Variants in RXFP1 observed in about 807,000 individuals in gnomAD.
RXFP1 encodes the protein relaxin family peptide receptor 1.
A neutral mutation model predicts 89.8 loss-of-function variants in RXFP1; 73 were observed. The observed-to-expected ratio is 0.81, with a 90% CI of 0.67 to 0.99. The LOEUF (loss-of-function observed/expected upper bound fraction) is 0.99. Among genes scored for constraint, RXFP1 ranks in the 50% least tolerant of loss-of-function variants. RXFP1 has a pLI of 0.00. For missense variants in RXFP1, 793 were observed against 895.5 expected (o/e 0.89, Z 1.46); for synonymous variants, 277 against 305.5 (o/e 0.91, Z 0.97).
intron 11 of RXFP1, among the ~76,000 whole-genome samples, chr4:158,632,791 T>C (rs575799986): frequency 1.3e-5 from 2 of 152,116 alleles, no homozygotes; most frequent in African/African-American, 4.8e-5. Context: ...TCGCAAACCA[T>C]GCATCTATTC....
chr4:158,639,582 G>C (rs2150234476), intron 14 of RXFP1, among the ~76,000 whole-genome samples: 1 of 152,264 alleles, frequency 6.6e-6, no homozygotes, highest in Admixed American at 6.5e-5. Flanking sequence ...TTAGAAAACA[G>C]ACTCTGGTCC....
intron 14 of RXFP1, among the ~76,000 whole-genome samples, chr4:158,639,622 C>A (rs1291113865): frequency 6.6e-6 from 1 of 152,142 alleles, no homozygotes; most frequent in South Asian, 2.1e-4. Context: ...GTAATCCCAG[C>A]ACTTTGGGCG....
chr4:158,563,433 T>G (rs906621762), intron 1 of RXFP1, among the ~76,000 whole-genome samples: 1 of 151,458 alleles, frequency 6.6e-6, no homozygotes, highest in Non-Finnish European at 1.5e-5. Flanking sequence ...CTCAAAGACT[T>G]TAATTCATTT....
At chr4:158,575,296 CAG>C (rs1403637479) in intron 2 of RXFP1, among the ~76,000 whole-genome samples, 5 of 152,142 alleles carry the variant, frequency 3.3e-5, no homozygotes, top group African/African-American at 1.2e-4. Flanking sequence ...GTTTAGAAAT[CAG>C]AGTTAAACTC....
intron 11 of RXFP1, among the ~76,000 whole-genome samples, chr4:158,632,193 C>T (rs913368632): frequency 1.1e-4 from 16 of 152,042 alleles, no homozygotes; most frequent in Non-Finnish European, 2.2e-4. Flanking sequence ...GACAATTCAC[C>T]GATAAATATG....
At chr4:158,617,289 T>G (rs1764774174) in intron 9 of RXFP1, 84 bp downstream of exon 9, 3 of 1,044,922 alleles carry the variant, frequency 2.9e-6, no homozygotes, top group Non-Finnish European at 4.3e-6. Context: ...ATTGTTTTAG[T>G]TTTTCTTAAA....
intron 1 of RXFP1, among the ~76,000 whole-genome samples, chr4:158,564,516 G>C (rs951985316): frequency 6.6e-6 from 1 of 152,166 alleles, no homozygotes; most frequent in Non-Finnish European, 1.5e-5. Context: ...CTCCAAGCCA[G>C]AGAGACTCCA....
chr4:158,528,363 A>C (rs1185157772), intron 1 of RXFP1, among the ~76,000 whole-genome samples: 1 of 152,106 alleles, frequency 6.6e-6, no homozygotes, highest in Non-Finnish European at 1.5e-5. Context: ...AAATTTAGCC[A>C]GTCGTGGTGG....
intron 1 of RXFP1, 29 bp downstream of exon 1, chr4:158,522,054 T>C (rs751406471): frequency 1.5e-6 from 2 of 1,344,312 alleles, no homozygotes; most frequent in Non-Finnish European, 2.1e-6. Context: ...TAATTTTGTA[T>C]ACCTTAGTAT....
chr4:158,642,370 T>C (rs774939628), intron 14 of RXFP1, among the ~76,000 whole-genome samples: 2 of 152,176 alleles, frequency 1.3e-5, no homozygotes, highest in Non-Finnish European at 2.9e-5. Context: ...CATCCTACCA[T>C]GGTATAGAAT....
intron 1 of RXFP1, among the ~76,000 whole-genome samples, chr4:158,567,131 C>T (rs966212218): frequency 6.6e-6 from 1 of 152,206 alleles, no homozygotes; most frequent in African/African-American, 2.4e-5. Flanking sequence ...TAGCTGCCTC[C>T]CCGCTTGGCA....
intron 1 of RXFP1, among the ~76,000 whole-genome samples, chr4:158,547,890 T>C (rs4432708): frequency 0.19 from 28,999 of 151,990 alleles, 3,566 homozygotes; most frequent in African/African-American, 0.33. Flanking sequence ...AATTTTGGAA[T>C]AGCTGTGGTG....
At chr4:158,626,768 A>G in intron 9 of RXFP1, 52 bp from the exon 10 acceptor site, 2 of 1,126,162 alleles carry the variant, frequency 1.8e-6, no homozygotes, top group Non-Finnish European at 2.6e-6. Flanking sequence ...TAACCAATTT[A>G]TTTCTCTCCA....
chr4:158,633,158 A>G (rs1768437057), intron 11 of RXFP1, among the ~76,000 whole-genome samples: 1 of 151,930 alleles, frequency 6.6e-6, no homozygotes, highest in Admixed American at 6.6e-5. Context: ...TGACAGAGTG[A>G]TACTCGGTCT....
In RXFP1 at chr4:158,653,314, A is replaced by T. The variant is rs983202280; in HGVS notation, c.*1259A>T. On this transcript the variant is annotated 3_prime_UTR_variant, in exon 18 of 18. Coordinates refer to ENST00000307765, the MANE Select transcript of RXFP1 (RefSeq NM_021634.4). ...AATCAAACCATAATGCACTTATTGA[A>T]TATATAGTTGTATAGATTTGTTCTG... 2.0e-5 allele frequency: 3 copies of T among 152,246 alleles called. No homozygotes were observed. The highest frequency in any genetic ancestry group is 7.2e-5 in the African/African-American group (3 of 41,460). The allele number at this position is 152,246 out of a possible 1,614,324, so 9.4% of individuals were successfully genotyped here.
rs1236147817 is a variant in RXFP1 at position 158,647,113 on chromosome 4, C to T, written c.1668C>T (p.Tyr556=). The T allele has an allele frequency of 6.2e-7, 1 of 1,614,054 alleles. No individual in the cohort carries two copies. The highest frequency in any genetic ancestry group is 8.5e-7 in the Non-Finnish European group (1 of 1,179,948). ...GCAATAAGGAATTTTTCAAAAACTA[C>T]TATGGCACCAATGGAGTATGCTTCC... ...PLSNKEFFKN[Y]YGTNGVCFPL... is the part of the protein sequence containing the mutation. The change falls in exon 16 of 18, where the codon TAC becomes TAT. Residue 556 remains tyrosine (Y), a synonymous_variant. Coordinates refer to ENST00000307765, the MANE Select transcript of RXFP1 (RefSeq NM_021634.4).
intron 2 of RXFP1, among the ~76,000 whole-genome samples, chr4:158,581,007 C>T (rs145630569): frequency 6.6e-6 from 1 of 152,178 alleles, no homozygotes; most frequent in East Asian, 1.9e-4. Context: ...CCAGGCTGCT[C>T]TCGAACTCCT....
chr4:158,614,859 T>C (rs1764246124), intron 8 of RXFP1, among the ~76,000 whole-genome samples: 1 of 152,232 alleles, frequency 6.6e-6, no homozygotes. Flanking sequence ...TTACTATGTT[T>C]AATCATTTCT....
intron 8 of RXFP1, among the ~76,000 whole-genome samples, chr4:158,613,849 T>A (rs1014818288): frequency 6.6e-6 from 1 of 152,220 alleles, no homozygotes; most frequent in Non-Finnish European, 1.5e-5. Flanking sequence ...GCCCAAATCG[T>A]CAGAGGAATC....
Sources: gnomAD v4.1 joint callset for allele counts (sites outside exome capture counted in the v4.1 genomes callset) on GRCh38, gnomAD v4.1.1 for gene constraint, MANE v1.5 for transcripts, NCBI Gene and HGNC (gene_info 2026-07-23, HGNC 2026-07-21) for gene names.